IL1RAPL1: variants seen among roughly 807,000 people sequenced by gnomAD.
IL1RAPL1 encodes interleukin 1 receptor accessory protein like 1, also known as interleukin-1 receptor accessory protein-like 1.
Under a neutral mutation model 48.4 loss-of-function variants are expected in IL1RAPL1, and 3 were observed. The observed-to-expected ratio is 0.06, with a 90% CI of 0.03 to 0.16. The LOEUF is 0.16. Ranked by LOEUF, IL1RAPL1 falls within the 10% of genes least tolerant of loss-of-function variation. IL1RAPL1 has a pLI of 1.00. For missense variants in IL1RAPL1, 349 were observed against 530.6 expected, an observed-to-expected ratio of 0.66 and a Z score of 3.36; for synonymous variants, 185 against 187.7, an observed-to-expected ratio of 0.99 and a Z score of 0.12.
chrX:29,076,387 C>T (rs1336058837), intron 2 of IL1RAPL1, among the ~76,000 whole-genome samples: 1 of 112,065 alleles, frequency 8.9e-6, no homozygotes, highest in Non-Finnish European at 1.9e-5. Flanking sequence ...GTCATTATTA[C>T]TGTCAAGGCA....
chrX:28,844,264 G>C lies in IL1RAPL1; in HGVS notation c.82+54839G>C, dbSNP rs185274321. ...GTAAACCCCCACCAAATTTGAATTT[G>C]AAATTCAAATTTGGTGGGGGTTTAC... On this transcript the variant is annotated intron_variant, in intron 2 of 10. Coordinates refer to ENST00000378993, the MANE Select transcript of IL1RAPL1 (RefSeq NM_014271.4). Among the ~76,000 whole-genome samples the C allele has an allele frequency of 2.9e-3, 306 of 105,182 alleles. 2 individuals are homozygous for C. Among genetic ancestry groups the C allele is most frequent in the African/African-American group, 5.8e-3 (168 of 28,996 alleles). The allele number at this position is 105,182 out of a possible 115,157, so 91.3% of individuals were successfully genotyped here.
chrX:29,309,806 A>T (rs1932681663), intron 3 of IL1RAPL1, among the ~76,000 whole-genome samples: 1 of 106,277 alleles, frequency 9.4e-6, no homozygotes, highest in African/African-American at 3.5e-5. Flanking sequence ...CTGTCTAAAA[A>T]AAAAACTGGC....
At chrX:29,286,086 A>C (rs957288567) in intron 3 of IL1RAPL1, among the ~76,000 whole-genome samples, 3 of 112,050 alleles carry the variant, frequency 2.7e-5, no homozygotes, top group Non-Finnish European at 1.9e-5. Flanking sequence ...CTTTTCATAT[A>C]CAACTAATTT....
intron 1 of IL1RAPL1, among the ~76,000 whole-genome samples, chrX:28,592,868 C>G (rs779292701): frequency 9.0e-6 from 1 of 111,484 alleles, no homozygotes; most frequent in East Asian, 2.8e-4. Flanking sequence ...TTCATTGATG[C>G]CTATTAATAG....
At chrX:29,550,418 A>C (rs970477824) in intron 5 of IL1RAPL1, among the ~76,000 whole-genome samples, 8 of 111,196 alleles carry the variant, frequency 7.2e-5, no homozygotes, top group African/African-American at 2.0e-4. Flanking sequence ...TGACCTCGTG[A>C]TCCGCCCGCC....
At chrX:29,306,615 C>T (rs1218568898) in intron 3 of IL1RAPL1, among the ~76,000 whole-genome samples, 1 of 104,907 alleles carries the variant, frequency 9.5e-6, no homozygotes, top group Non-Finnish European at 1.9e-5. Flanking sequence ...ATAATCCCAG[C>T]ATTTTGGGAG....
At chrX:29,297,151 G>A (rs761406569) in intron 3 of IL1RAPL1, among the ~76,000 whole-genome samples, 1 of 111,981 alleles carries the variant, frequency 8.9e-6, no homozygotes, top group Non-Finnish European at 1.9e-5. Flanking sequence ...ATGGTTTCAG[G>A]AAAATGTTTT....
At chrX:29,275,431 C>A (rs1874394658) in intron 2 of IL1RAPL1, among the ~76,000 whole-genome samples, 1 of 112,070 alleles carries the variant, frequency 8.9e-6, no homozygotes, top group African/African-American at 3.2e-5. Flanking sequence ...CTCCTCACCA[C>A]TCCACTATTT....
intron 2 of IL1RAPL1, among the ~76,000 whole-genome samples, chrX:29,012,540 G>A (rs985449623): frequency 3.6e-5 from 4 of 111,308 alleles, no homozygotes; most frequent in African/African-American, 1.3e-4. Flanking sequence ...GCGAAGCTGT[G>A]TCTCAAAAAA....
chrX:28,924,300 G>A (rs981774817), intron 2 of IL1RAPL1, among the ~76,000 whole-genome samples: 135 of 111,634 alleles, frequency 1.2e-3, no homozygotes, highest in African/African-American at 3.7e-3. Flanking sequence ...TTAAATATGA[G>A]GAATATTTTA....
intron 3 of IL1RAPL1, among the ~76,000 whole-genome samples, chrX:29,304,597 G>A (rs1231628239): frequency 8.9e-6 from 1 of 111,779 alleles, no homozygotes; most frequent in Non-Finnish European, 1.9e-5. Context: ...TGGGGTGATG[G>A]GTAGGGATAT....
chrX:29,402,168 C>T (rs1259752959), intron 5 of IL1RAPL1, among the ~76,000 whole-genome samples: 1 of 111,518 alleles, frequency 9.0e-6, no homozygotes, highest in Non-Finnish European at 1.9e-5. Flanking sequence ...GTTACGGCAC[C>T]ATCTCTAGCC....
intron 2 of IL1RAPL1, among the ~76,000 whole-genome samples, chrX:28,915,142 T>C (rs1168036711): frequency 1.8e-5 from 2 of 111,304 alleles, no homozygotes; most frequent in African/African-American, 3.3e-5. Flanking sequence ...CAGTTTACAA[T>C]AGGGTTTGTG....
At chrX:29,543,029 A>G (rs1176282097) in intron 5 of IL1RAPL1, among the ~76,000 whole-genome samples, 4 of 110,814 alleles carry the variant, frequency 3.6e-5, no homozygotes, top group Non-Finnish European at 7.6e-5. Context: ...CATGTTTTCA[A>G]ATATTGGCCA....
intron 2 of IL1RAPL1, among the ~76,000 whole-genome samples, chrX:29,130,967 A>G (rs1238878623): frequency 8.9e-6 from 1 of 112,505 alleles, no homozygotes; most frequent in Non-Finnish European, 1.9e-5. Context: ...CTGATTTGTC[A>G]GATGTATCTT....
At position 29,485,923 on chromosome X, in the gene IL1RAPL1, C is replaced by G. The variant is rs138110752; in HGVS notation, c.703+86615C>G. Among the ~76,000 whole-genome samples the G allele has an allele frequency of 7.9e-3, 882 of 111,152 alleles. 3 individuals are homozygous for G. The highest frequency in any genetic ancestry group is 0.032 in the Middle Eastern group (7 of 219). On this transcript the variant is annotated intron_variant, in intron 5 of 10. Transcript: ENST00000378993. ...CTCAACAAGAGTATTAACAAGATCCCCATGGAATCTGTAGGCACATTAAAG... is the reference window on the plus strand; with the variant it reads ...CTCAACAAGAGTATTAACAAGATCCGCATGGAATCTGTAGGCACATTAAAG...
At chrX:29,615,620 G>A (rs990380632) in intron 5 of IL1RAPL1, among the ~76,000 whole-genome samples, 2 of 110,722 alleles carry the variant, frequency 1.8e-5, no homozygotes, top group East Asian at 2.8e-4. Flanking sequence ...TTTGTCTCAC[G>A]GAGGTAACTC....
At chrX:29,945,301 T>A (rs1933195586) in intron 9 of IL1RAPL1, among the ~76,000 whole-genome samples, 1 of 112,179 alleles carries the variant, frequency 8.9e-6, no homozygotes, top group South Asian at 3.7e-4. Flanking sequence ...GCTTCCTAGC[T>A]CTGCAAGCTT....
chrX:29,060,350 G>A (rs767767170), intron 2 of IL1RAPL1, among the ~76,000 whole-genome samples: 1 of 111,331 alleles, frequency 9.0e-6, no homozygotes, highest in Non-Finnish European at 1.9e-5. Flanking sequence ...TGTCTAATTC[G>A]ACTGATACAG....
Sources: allele counts gnomAD v4.1 joint callset (sites outside exome capture counted in the v4.1 genomes callset), GRCh38; gene constraint gnomAD v4.1.1; transcripts MANE v1.5; gene names NCBI Gene and HGNC (gene_info 2026-07-23, HGNC 2026-07-21).